The following NDST4 variants were observed in gnomAD, a reference collection of about 807,000 sequenced individuals.
NDST4 encodes the protein N-heparan sulfate sulfotransferase 4.
Under a neutral mutation model 100.8 loss-of-function variants are expected in NDST4, and 63 were observed. That is an observed-to-expected ratio of 0.62 (90% CI 0.51 to 0.77). NDST4 has a LOEUF of 0.77. Among genes scored for constraint, NDST4 ranks in the 30% least tolerant of loss-of-function variants. NDST4 has a pLI of 0.00. For missense variants in NDST4, 943 were observed against 1,018.4 expected, an observed-to-expected ratio of 0.93 and a Z score of 1.01; for synonymous variants, 377 against 361.8, an observed-to-expected ratio of 1.04 and a Z score of -0.48.
chr4:115,062,133 C>A (rs1202864646), intron 2 of NDST4, among the ~76,000 whole-genome samples: 2 of 151,852 alleles, frequency 1.3e-5, no homozygotes. Context: ...ATGAACAACA[C>A]TCAAAAAGAA....
At chr4:114,965,100 TTTTG>T (rs1406320954) in intron 4 of NDST4, among the ~76,000 whole-genome samples, 1 of 152,110 alleles carries the variant, frequency 6.6e-6, no homozygotes, top group Non-Finnish European at 1.5e-5. Flanking sequence ...TTGTTCACAA[TTTTG>T]TTTTAGTGTA....
intron 1 of NDST4, among the ~76,000 whole-genome samples, chr4:115,078,498 A>G (rs962916637): frequency 2.0e-5 from 3 of 152,138 alleles, no homozygotes; most frequent in African/African-American, 7.2e-5. Context: ...TTAGCGAACA[A>G]CTATGCTACA....
chr4:114,977,166 G>C (rs1726657260), intron 3 of NDST4, 21 bp downstream of exon 3: 10 of 1,463,746 alleles, frequency 6.8e-6, no homozygotes, highest in Non-Finnish European at 9.5e-6. Flanking sequence ...AGCTGCCTGA[G>C]AACACAAAGC....
At position 114,912,575 on chromosome 4, in the gene NDST4, G is replaced by A. The variant is rs551293513; in HGVS notation, c.1536+22631C>T. On this transcript the variant is annotated intron_variant, in intron 6 of 13. Transcript: ENST00000264363. Reference sequence around the variant, plus strand: ...AGCATGAAAAGCAAGGAGGAAGACGGTAGAATTAAACCTTCAAAGAAAACT... The same window carrying A: ...AGCATGAAAAGCAAGGAGGAAGACGATAGAATTAAACCTTCAAAGAAAACT... Among the ~76,000 whole-genome samples the A allele has an allele frequency of 3.9e-5, 6 of 152,250 alleles. No individual in the cohort carries two copies. In the East Asian group the frequency reaches 1.2e-3, roughly 29 times the overall value.
At chr4:114,908,326 A>G (rs1226411751) in intron 6 of NDST4, among the ~76,000 whole-genome samples, 3 of 152,126 alleles carry the variant, frequency 2.0e-5, no homozygotes, top group Non-Finnish European at 4.4e-5. Flanking sequence ...TTTATTATCT[A>G]CTTTTATTTT....
chr4:114,962,035 C>G (rs1377550316), intron 4 of NDST4, among the ~76,000 whole-genome samples: 2 of 151,974 alleles, frequency 1.3e-5, no homozygotes, highest in East Asian at 3.8e-4. Flanking sequence ...AACTTAACAT[C>G]TAAAAATCAA....
At chr4:115,087,421 A>G (rs1482492359) in intron 1 of NDST4, among the ~76,000 whole-genome samples, 2 of 152,056 alleles carry the variant, frequency 1.3e-5, no homozygotes, top group Non-Finnish European at 1.5e-5. Flanking sequence ...TCTTATTACC[A>G]GCAAAAACAT....
intron 2 of NDST4, among the ~76,000 whole-genome samples, chr4:115,040,324 C>T (rs1728323962): frequency 6.8e-6 from 1 of 147,296 alleles, no homozygotes; most frequent in South Asian, 2.2e-4. Context: ...CAAAGCAATT[C>T]TTCTCTACAT....
intron 6 of NDST4, among the ~76,000 whole-genome samples, chr4:114,905,341 A>G (rs374868860): frequency 1.3e-3 from 201 of 152,004 alleles, no homozygotes; most frequent in African/African-American, 4.4e-3. Flanking sequence ...CCTCTCTGTG[A>G]TATGTTAATG....
intron 2 of NDST4, among the ~76,000 whole-genome samples, chr4:115,022,994 G>A (rs979562044): frequency 6.6e-6 from 1 of 152,052 alleles, no homozygotes. Flanking sequence ...AGACTGATAC[G>A]CCAAACATTG....
At chr4:114,995,148 C>T (rs1053803495) in intron 2 of NDST4, among the ~76,000 whole-genome samples, 5 of 151,812 alleles carry the variant, frequency 3.3e-5, no homozygotes, top group South Asian at 4.2e-4. Flanking sequence ...TCACCTAAGC[C>T]GAGTAGAAAG....
rs576406883 is a variant in NDST4, at chr4:114,832,541, A to G, written c.2396+1065T>C. On this transcript the variant is annotated intron_variant, in intron 12 of 13. Transcript: ENST00000264363. ...TTCTGCTTCTTTTACATTTCTCCCCATTTTTAATTATAAAAATATATGGTT... is the reference window on the plus strand; with the variant it reads ...TTCTGCTTCTTTTACATTTCTCCCCGTTTTTAATTATAAAAATATATGGTT... Among the ~76,000 whole-genome samples, 25 of 152,166 alleles carry G rather than the reference A, an allele frequency of 1.6e-4. 1 individual carries two copies. In the South Asian group the frequency reaches 5.2e-3, roughly 32 times the overall value.
At chr4:115,033,151 A>AT (rs1277450575) in intron 2 of NDST4, among the ~76,000 whole-genome samples, 7 of 97,110 alleles carry the variant, frequency 7.2e-5, no homozygotes, top group African/African-American at 3.2e-4. Flanking sequence ...ATATATATAT[A>AT]TATATATTTT....
intron 9 of NDST4, among the ~76,000 whole-genome samples, chr4:114,846,971 A>G (rs566095906): frequency 6.6e-6 from 1 of 152,162 alleles, no homozygotes; most frequent in Non-Finnish European, 1.5e-5. Flanking sequence ...AAAGTAAGGT[A>G]GGATATAATG....
chr4:114,871,418 T>G (rs1464942772), intron 6 of NDST4, among the ~76,000 whole-genome samples: 1 of 152,152 alleles, frequency 6.6e-6, no homozygotes, highest in Non-Finnish European at 1.5e-5. Context: ...TGTAAATGTT[T>G]GCACAGAAAC....
chr4:114,967,781 T>C (rs1726415842), intron 4 of NDST4, among the ~76,000 whole-genome samples: 1 of 149,246 alleles, frequency 6.7e-6, no homozygotes, highest in African/African-American at 2.5e-5. Context: ...TAAATCCATA[T>C]TTTTTTTAAA....
rs548686670 is a variant in NDST4 at position 114,943,988 on chromosome 4, C to T, written c.1222-6485G>A. On this transcript the variant is annotated intron_variant, in intron 4 of 13. Transcript: ENST00000264363. ...GAAATGCAAGCACAAGGACCACAAG[C>T]TTGAGTCAAGTATAATGACTAAGGA... Among the ~76,000 whole-genome samples the T allele has an allele frequency of 1.9e-4, 29 of 152,250 alleles. No individual in the cohort carries two copies. In the South Asian group the frequency reaches 5.4e-3, roughly 28 times the overall value.
chr4:114,941,805 A>G (rs1400128833), intron 4 of NDST4, among the ~76,000 whole-genome samples: 1 of 152,162 alleles, frequency 6.6e-6, no homozygotes, highest in Non-Finnish European at 1.5e-5. Flanking sequence ...AGTCCTTCCA[A>G]AGATTTTGGA....
At chr4:115,027,762 A>T (rs965567384) in intron 2 of NDST4, among the ~76,000 whole-genome samples, 6 of 152,084 alleles carry the variant, frequency 3.9e-5, no homozygotes, top group Admixed American at 3.3e-4. Context: ...GCATGTTATA[A>T]GAGTTTCACG....
Sources: allele counts gnomAD v4.1 joint callset (sites outside exome capture counted in the v4.1 genomes callset), GRCh38; gene constraint gnomAD v4.1.1; transcripts MANE v1.5; gene names NCBI Gene and HGNC (gene_info 2026-07-23, HGNC 2026-07-21).